Variants in SRGAP2 observed in about 807,000 individuals in gnomAD.
The protein encoded by SRGAP2 is SLIT-ROBO Rho GTPase activating protein 2.
Under a neutral mutation model 57.2 loss-of-function variants are expected in SRGAP2, and 15 were observed. That is an observed-to-expected ratio of 0.26 (90% confidence interval 0.18 to 0.40). SRGAP2 has a LOEUF of 0.40. SRGAP2 is among the 10% of genes least tolerant of loss of function. The probability of loss-of-function intolerance (pLI) is 1.00; values close to 1 mark genes in which losing one functional copy is unlikely to be tolerated. For missense variants in SRGAP2, 520 were observed against 669.6 expected (o/e 0.78, Z 2.47); for synonymous variants, 249 against 248.0 (o/e 1.00, Z -0.04).
At chr1:206,452,885 CAAAA>C (rs1166978056) in intron 19 of SRGAP2, among the ~76,000 whole-genome samples, 5 of 62,118 alleles carry the variant, frequency 8.0e-5, no homozygotes, top group Non-Finnish European at 5.6e-5. Context: ...GACTCCATCC[CAAAA>C]AAAAAAAAAA....
At chr1:206,380,515 ATTTAAGAGAAAAAC>A (rs1319607171) in intron 4 of SRGAP2, among the ~76,000 whole-genome samples, 18 of 138,390 alleles carry the variant, frequency 1.3e-4, no homozygotes, top group Non-Finnish European at 2.3e-4. Flanking sequence ...CTATGCAAAC[ATTTAAGAGAAAAAC>A]TTTGTCCAAA....
chr1:206,303,894 A>T (rs1553119448), intron 3 of SRGAP2, among the ~76,000 whole-genome samples: 1,631 of 130,036 alleles, frequency 0.013, 6 homozygotes, highest in South Asian at 0.023. Flanking sequence ...TCTCTCACAC[A>T]CACACACACA....
intron 5 of SRGAP2, among the ~76,000 whole-genome samples, chr1:206,389,643 G>A (rs562657750): frequency 6.6e-5 from 10 of 152,008 alleles, no homozygotes; most frequent in Admixed American, 1.3e-4. Context: ...CCTGCTTTTC[G>A]GCTTCAGCTT....
chr1:206,431,608 G>A (rs189616371), intron 14 of SRGAP2, among the ~76,000 whole-genome samples: 1 of 152,340 alleles, frequency 6.6e-6, no homozygotes, highest in African/African-American at 2.4e-5. Context: ...ATACATATTA[G>A]TTGCTTATTA....
At chr1:206,434,872 T>G (rs1661589868) in intron 14 of SRGAP2, among the ~76,000 whole-genome samples, 1 of 152,216 alleles carries the variant, frequency 6.6e-6, no homozygotes, top group African/African-American at 2.4e-5. Flanking sequence ...TTTCAAGAAT[T>G]TGTGCAATGG....
chr1:206,446,671 C>G lies in SRGAP2; in HGVS notation c.2099+372C>G, dbSNP rs115509303. On this transcript the variant is annotated intron_variant, in intron 18 of 22. Coordinates refer to ENST00000573034, the MANE Select transcript of SRGAP2 (RefSeq NM_015326.5). The stretch of plus-strand genomic sequence containing the variant: ...TCTGTGCTCTGTATTCTGAGAAAAA[C>G]CATCCTGGGTCCCAGGGAATTCCCT... Among the ~76,000 whole-genome samples, 1,299 of 152,308 alleles carry G rather than the reference C, an allele frequency of 8.5e-3. 14 individuals carry two copies. The highest frequency in any genetic ancestry group is 0.03 in the African/African-American group (1,241 of 41,546).
intron 4 of SRGAP2, among the ~76,000 whole-genome samples, chr1:206,366,521 G>A (rs1474355183): frequency 6.6e-6 from 1 of 151,824 alleles, no homozygotes; most frequent in African/African-American, 2.4e-5. Flanking sequence ...GGACGATCAT[G>A]GGGAGAGGAC....
intron 3 of SRGAP2, among the ~76,000 whole-genome samples, chr1:206,309,884 A>AGG (rs1672510670): frequency 6.6e-6 from 1 of 151,214 alleles, no homozygotes; most frequent in African/African-American, 2.5e-5. Context: ...CCCCAGGCTT[A>AGG]GACAATAAAA....
intron 11 of SRGAP2, 148 bp from the exon 12 acceptor site, chr1:206,419,225 G>GTCTCTCTCTC: frequency 1.6e-6 from 1 of 618,712 alleles, no homozygotes; most frequent in Non-Finnish European, 3.0e-6. Flanking sequence ...GTCTCTCTCT[G>GTCTCTCTCTC]TCTCTCTCTC....
intron 4 of SRGAP2, among the ~76,000 whole-genome samples, chr1:206,382,688 A>T (rs1216230467): frequency 3.3e-5 from 5 of 151,722 alleles, no homozygotes; most frequent in African/African-American, 1.2e-4. Context: ...CAGAAAAAAA[A>T]GTATTTTTTA....
chr1:206,333,312 C>G (rs1370618608), intron 3 of SRGAP2: 6 of 1,223,924 alleles, frequency 4.9e-6, no homozygotes, highest in Non-Finnish European at 7.2e-6. Flanking sequence ...CTCCTCCCCC[C>G]TACACTGAAT....
At chr1:206,307,480 G>GA in intron 3 of SRGAP2, among the ~76,000 whole-genome samples, 1 of 152,192 alleles carries the variant, frequency 6.6e-6, no homozygotes, top group African/African-American at 2.4e-5. Context: ...GTGGTCGATG[G>GA]GACTGGGCGC....
intron 3 of SRGAP2, among the ~76,000 whole-genome samples, chr1:206,341,449 C>T (rs547494709): frequency 7.2e-5 from 11 of 152,006 alleles, no homozygotes; most frequent in Admixed American, 4.6e-4. Flanking sequence ...AATTTTTAGT[C>T]TACTTTTCCT....
At chr1:206,430,602 G>A (rs1661205128) in intron 14 of SRGAP2, among the ~76,000 whole-genome samples, 2 of 152,186 alleles carry the variant, frequency 1.3e-5, no homozygotes, top group South Asian at 4.1e-4. Flanking sequence ...GTCACTTTCT[G>A]TACCAGACTA....
intron 19 of SRGAP2, among the ~76,000 whole-genome samples, chr1:206,451,115 TAAAAA>T (rs67862340): frequency 2.9e-5 from 2 of 69,242 alleles, no homozygotes; most frequent in Admixed American, 1.7e-4. Flanking sequence ...AGACCCTGTC[TAAAAA>T]AAAAAAAAAA....
intron 12 of SRGAP2, among the ~76,000 whole-genome samples, chr1:206,419,815 T>C (rs1379077588): frequency 6.6e-6 from 1 of 151,998 alleles, no homozygotes; most frequent in Non-Finnish European, 1.5e-5. Context: ...TGATTTTTTT[T>C]TTTTTTTAAT....
rs781985958 is a variant in SRGAP2, at chr1:206,447,337, T to A, written c.2099+1038T>A. 5.6e-4 allele frequency among the ~76,000 whole-genome samples: 85 copies of A among 152,240 alleles called. No individual in the cohort carries two copies. The Middle Eastern group carries it at 0.01, about 18-fold the overall frequency. ...AGGTAGGGGAGGACAGGGGAGGTTGTTTACTTAATTAGAGGCCAATTGGTC... is the reference window on the plus strand; with the variant it reads ...AGGTAGGGGAGGACAGGGGAGGTTGATTACTTAATTAGAGGCCAATTGGTC... On this transcript the variant is annotated intron_variant, in intron 18 of 22. Coordinates refer to ENST00000573034, the MANE Select transcript of SRGAP2 (RefSeq NM_015326.5).
intron 4 of SRGAP2, among the ~76,000 whole-genome samples, chr1:206,375,432 A>G (rs1249020719): frequency 8.5e-5 from 13 of 152,128 alleles, no homozygotes; most frequent in Non-Finnish European, 1.9e-4. Context: ...TGAAGACATT[A>G]CGCCCCCACT....
chr1:206,228,473 G>A (rs1428171691), intron 2 of SRGAP2, among the ~76,000 whole-genome samples: 1 of 151,958 alleles, frequency 6.6e-6, no homozygotes, highest in Non-Finnish European at 1.5e-5. Flanking sequence ...TGTTAGGTGT[G>A]GATGACAGGA....
Sources: gnomAD v4.1 joint callset for allele counts (sites outside exome capture counted in the v4.1 genomes callset) on GRCh38, gnomAD v4.1.1 for gene constraint, MANE v1.5 for transcripts, NCBI Gene and HGNC (gene_info 2026-07-23, HGNC 2026-07-21) for gene names.